The following DNAH11 variants were observed in gnomAD, a reference collection of about 807,000 sequenced individuals.
DNAH11 encodes dynein axonemal heavy chain 11.
In DNAH11, 442 loss-of-function variants were observed where a neutral mutation model predicts 526.0. The observed-to-expected ratio is 0.84, with a 90% CI of 0.78 to 0.91. The LOEUF (loss-of-function observed/expected upper bound fraction) is 0.91, where lower values mean the gene tolerates loss of function less well. DNAH11 is among the 40% of genes least tolerant of loss of function. The pLI, the probability that DNAH11 is intolerant of heterozygous loss-of-function variation, is 0.00. For synonymous variants in DNAH11, 2,461 were observed against 1,935.9 expected (o/e 1.27, Z -7.12); for missense variants, 6,989 against 5,448.7 (o/e 1.28, Z -8.90).
chr7:21,558,486 T>C (rs930564568), intron 2 of DNAH11, among the ~76,000 whole-genome samples: 1 of 152,218 alleles, frequency 6.6e-6, no homozygotes, highest in Non-Finnish European at 1.5e-5. Context: ...GTGTGCTCAG[T>C]TTGCATCATG....
At chr7:21,730,429 G>A (rs1405529347) in intron 45 of DNAH11, among the ~76,000 whole-genome samples, 1 of 152,210 alleles carries the variant, frequency 6.6e-6, no homozygotes, top group African/African-American at 2.4e-5. Context: ...TAATGCAAAT[G>A]TCCCAAAACC....
intron 74 of DNAH11, among the ~76,000 whole-genome samples, chr7:21,877,019 C>T (rs1783740885): frequency 6.6e-6 from 1 of 152,152 alleles, no homozygotes; most frequent in African/African-American, 2.4e-5. Context: ...TTGGGGTGTT[C>T]TGTGTTGCTG....
At position 21,674,106 on chromosome 7, in the gene DNAH11, C is replaced by G. The variant is rs543156306; in HGVS notation, c.5329-7440C>G. On this transcript the variant is annotated intron_variant, in intron 30 of 81. Transcript: ENST00000409508. Reference sequence around the variant, plus strand: ...ATGGAGTTTCACCCTGTCGCCCAGGCTGGAATGCAGTGGCACTATCTCGGC... The same window carrying G: ...ATGGAGTTTCACCCTGTCGCCCAGGGTGGAATGCAGTGGCACTATCTCGGC... Among the ~76,000 whole-genome samples, 11 of 151,898 alleles carry G rather than the reference C, an allele frequency of 7.2e-5. 1 individual carries two copies. The highest frequency in any genetic ancestry group is 2.7e-4 in the African/African-American group (11 of 41,402).
intron 14 of DNAH11, among the ~76,000 whole-genome samples, chr7:21,594,682 A>T (rs1784804681): frequency 6.6e-6 from 1 of 151,914 alleles, no homozygotes; most frequent in South Asian, 2.1e-4. Flanking sequence ...CAGGCAGAGG[A>T]GATAGTTTTG....
intron 2 of DNAH11, among the ~76,000 whole-genome samples, chr7:21,550,374 C>T (rs6975295): frequency 0.66 from 100,804 of 151,824 alleles, 35,305 homozygotes; most frequent in East Asian, 0.95. Context: ...TAAGGGATGA[C>T]AGGGTGGAGT....
chr7:21,810,398 A>G (rs566379769), intron 63 of DNAH11, among the ~76,000 whole-genome samples: 12 of 152,326 alleles, frequency 7.9e-5, no homozygotes, highest in African/African-American at 2.9e-4. Flanking sequence ...TGGAGTATGG[A>G]GACAAAGATG....
intron 34 of DNAH11, among the ~76,000 whole-genome samples, chr7:21,688,595 C>A (rs1249375585): frequency 1.3e-5 from 2 of 152,226 alleles, no homozygotes; most frequent in African/African-American, 4.8e-5. Flanking sequence ...CAAGGCTCTA[C>A]TGGAGGTCTC....
At chr7:21,778,148 A>C (rs184705004) in intron 56 of DNAH11, among the ~76,000 whole-genome samples, 20 of 152,264 alleles carry the variant, frequency 1.3e-4, no homozygotes, top group Admixed American at 1.2e-3. Context: ...TGAGGAACCT[A>C]GTAATGCTTT....
At chr7:21,604,044 C>T (rs530806830) in intron 18 of DNAH11, among the ~76,000 whole-genome samples, 3 of 152,038 alleles carry the variant, frequency 2.0e-5, no homozygotes, top group Non-Finnish European at 4.4e-5. Flanking sequence ...GGTAACGAGG[C>T]CCAATTTTAT....
At position 21,873,009 on chromosome 7, in the gene DNAH11, A is replaced by G. The variant is rs533704503; in HGVS notation, c.11968-265A>G. Among the ~76,000 whole-genome samples the G allele has an allele frequency of 3.9e-5, 6 of 151,976 alleles. No individual in the cohort carries two copies. The South Asian group carries it at 1.2e-3, about 32-fold the overall frequency. ...GTGGGCTTTTGAAGTAGGTATGTGT[A>G]TTGCGTGGAGATTTTGGATTACAAA... On this transcript the variant is annotated intron_variant, in intron 73 of 81. Transcript: ENST00000409508.
At chr7:21,658,766 C>T (rs1028940894) in intron 29 of DNAH11, 32 bp from the exon 30 acceptor site, 1 of 1,511,810 alleles carries the variant, frequency 6.6e-7, no homozygotes, top group African/African-American at 1.4e-5. Context: ...ATAGTTAAGC[C>T]TGTGTTATAA....
At chr7:21,777,959 T>C (rs1363875398) in intron 56 of DNAH11, among the ~76,000 whole-genome samples, 2 of 152,214 alleles carry the variant, frequency 1.3e-5, no homozygotes, top group Non-Finnish European at 2.9e-5. Context: ...TGTAAATGGT[T>C]ATGATTGTTC....
intron 80 of DNAH11, 96 bp from the exon 81 acceptor site, chr7:21,899,884 C>G (rs2128052211): frequency 2.1e-6 from 3 of 1,461,724 alleles, no homozygotes; most frequent in East Asian, 2.4e-5. Flanking sequence ...CCTAAAACAC[C>G]CTATGGGACT....
At chr7:21,672,361 C>T (rs1322935404) in intron 30 of DNAH11, among the ~76,000 whole-genome samples, 1 of 152,204 alleles carries the variant, frequency 6.6e-6, no homozygotes, top group East Asian at 1.9e-4. Context: ...TCATAGCTCA[C>T]TGCAGCCTCA....
At position 21,901,465 on chromosome 7, in the gene DNAH11, CTCAGGAG is replaced by C; in HGVS notation, c.*212_*218del. The C allele has an allele frequency of 1.8e-6, 1 of 565,512 alleles. No homozygotes were observed. The highest frequency in any genetic ancestry group is 2.6e-6 in the Non-Finnish European group (1 of 386,714). The allele number at this position is 565,512 out of a possible 1,614,324, so 35.0% of individuals were successfully genotyped here. On this transcript the variant is annotated 3_prime_UTR_variant, in exon 82 of 82. Transcript: ENST00000409508. ...TGGCACACGACTGTAATCCCAGTTA[CTCAGGAG>C]GTAGGAGAATCACTTGAACCTAGGA...
At chr7:21,647,454 G>A (rs553680877) in intron 28 of DNAH11, among the ~76,000 whole-genome samples, 3 of 121,410 alleles carry the variant, frequency 2.5e-5, no homozygotes, top group South Asian at 2.6e-4. Context: ...TTTTGAGACA[G>A]AGTCTTACTC....
chr7:21,619,923 T>G, intron 24 of DNAH11, 33 bp from the exon 25 acceptor site: 2 of 1,523,928 alleles, frequency 1.3e-6, no homozygotes, highest in Admixed American at 2.1e-5. Context: ...TCAATTAAAT[T>G]TTGTGCACAT....
At chr7:21,850,273 G>C (rs144104318) in intron 66 of DNAH11, among the ~76,000 whole-genome samples, 2 of 149,512 alleles carry the variant, frequency 1.3e-5, no homozygotes, top group African/African-American at 4.9e-5. Flanking sequence ...GGAGAATGGC[G>C]TGAACCCGGG....
intron 35 of DNAH11, among the ~76,000 whole-genome samples, chr7:21,694,644 G>C (rs1266967177): frequency 2.0e-5 from 3 of 152,076 alleles, no homozygotes; most frequent in Non-Finnish European, 4.4e-5. Flanking sequence ...ATTGTAAATA[G>C]TGCTGCATTA....
Sources: gnomAD v4.1 joint callset for allele counts (sites outside exome capture counted in the v4.1 genomes callset) on GRCh38, gnomAD v4.1.1 for gene constraint, MANE v1.5 for transcripts, NCBI Gene and HGNC (gene_info 2026-07-23, HGNC 2026-07-21) for gene names.